USP9Y: variants seen among roughly 807,000 people sequenced by gnomAD.
USP9Y encodes the protein ubiquitin specific peptidase 9 Y-linked.
Under a neutral mutation model 53.1 loss-of-function variants are expected in USP9Y, and 41 were observed. The observed-to-expected ratio is 0.77, with a 90% confidence interval of 0.60 to 1.00. The LOEUF is 1.00. Ranked by LOEUF, USP9Y falls within the 50% of genes least tolerant of loss-of-function variation. The probability of loss-of-function intolerance (pLI) is 0.00; values close to 1 mark genes in which losing one functional copy is unlikely to be tolerated. For missense variants in USP9Y, 567 were observed against 535.8 expected, an observed-to-expected ratio of 1.06 and a Z score of -0.58; for synonymous variants, 220 against 173.7, an observed-to-expected ratio of 1.27 and a Z score of -2.09.
At chrY:12,835,859 C>T (rs2053555045) in intron 34 of USP9Y, among the ~76,000 whole-genome samples, 2 of 33,259 alleles carry the variant, frequency 6.0e-5, no homozygotes, top group Admixed American at 2.8e-4. Flanking sequence ...TGATGGTTGA[C>T]GTGCCTGCCC....
At chrY:12,810,631 G>A in intron 28 of USP9Y, 41 bp from the exon 29 acceptor site, 1 of 380,011 alleles carries the variant, frequency 2.6e-6, no homozygotes, top group Non-Finnish European at 3.7e-6. Context: ...GACTCTGAGT[G>A]TAGACTTGTG....
At position 12,810,833 on chromosome Y, in the gene USP9Y, A is replaced by G. The variant is rs370692435; in HGVS notation, c.4239+15A>G. The G allele has an allele frequency of 2.5e-6, 1 of 392,590 alleles. No homozygotes were observed. Among genetic ancestry groups the G allele is most frequent in the South Asian group, 3.0e-5 (1 of 33,502 alleles). On this transcript the variant is annotated intron_variant, in intron 29 of 45. Transcript: ENST00000338981. Reference sequence around the variant, plus strand: ...AAAGGATTAGGGTAAGTTGAATAGTATTTAGTTTATTATGTCATGACCAAA... The same window carrying G: ...AAAGGATTAGGGTAAGTTGAATAGTGTTTAGTTTATTATGTCATGACCAAA...
intron 42 of USP9Y, among the ~76,000 whole-genome samples, chrY:12,855,963 A>G (rs2053575774): frequency 3.1e-5 from 1 of 32,202 alleles, no homozygotes; most frequent in Non-Finnish European, 7.6e-5. Flanking sequence ...TCTTAAAAAA[A>G]AAAGAAAGAA....
intron 39 of USP9Y, among the ~76,000 whole-genome samples, chrY:12,845,422 A>G: frequency 3.0e-5 from 1 of 32,985 alleles, no homozygotes; most frequent in Non-Finnish European, 7.4e-5. Flanking sequence ...AGAAAATAGT[A>G]GTGCCATTTT....
At chrY:12,747,747 G>C in intron 12 of USP9Y, among the ~76,000 whole-genome samples, 2 of 34,223 alleles carry the variant, frequency 5.8e-5, no homozygotes, top group Non-Finnish European at 1.5e-4. Flanking sequence ...TTTTCAACTG[G>C]ACAGGAGATC....
In USP9Y at chrY:12,786,711, C is replaced by T; in HGVS notation, c.3472C>T (p.Leu1158=). The change falls in exon 24 of 46, where the codon CTG becomes TTG. Residue 1158 remains leucine (L), a synonymous_variant. Transcript: ENST00000338981. Reference sequence around the variant, plus strand: ...TTTAAATGCTCTTAAAATAGCCAAACTGTTGTTAACTGCGATTGGCTATGG... The same window carrying T: ...TTTAAATGCTCTTAAAATAGCCAAATTGTTGTTAACTGCGATTGGCTATGG... The part of the protein sequence containing the change: ...AYLNALKIAK[L]LLTAIGYGHV... 2.5e-6 allele frequency: 1 copy of T among 398,144 alleles called. No homozygotes were observed. The highest frequency in any genetic ancestry group is 3.0e-5 in the South Asian group (1 of 33,760).
At chrY:12,760,649 G>A in intron 15 of USP9Y, 32 bp downstream of exon 15, 1 of 392,152 alleles carries the variant, frequency 2.6e-6, no homozygotes, top group Non-Finnish European at 3.6e-6. Flanking sequence ...TAACTATGGG[G>A]AATCAACTTT....
chrY:12,765,758 C>T (rs1603198705), intron 15 of USP9Y, among the ~76,000 whole-genome samples: 3 of 33,385 alleles, frequency 9.0e-5, no homozygotes, highest in South Asian at 1.4e-3. Context: ...GGGACTGCTG[C>T]GGTATAGTAC....
chrY:12,784,867 A>G (rs2053500445), intron 22 of USP9Y, among the ~76,000 whole-genome samples: 1 of 33,419 alleles, frequency 3.0e-5, no homozygotes, highest in Admixed American at 2.8e-4. Flanking sequence ...ACCACAGAAG[A>G]ATTTATCAAT....
chrY:12,802,648 G>A, intron 27 of USP9Y: 1 of 33,670 alleles, frequency 3.0e-5, no homozygotes, highest in Non-Finnish European at 7.4e-5. Flanking sequence ...AGTATCTGTC[G>A]GCACTTTGTT....
At chrY:12,717,004 G>A in intron 3 of USP9Y, among the ~76,000 whole-genome samples, 1 of 33,661 alleles carries the variant, frequency 3.0e-5, no homozygotes, top group South Asian at 6.7e-4. Flanking sequence ...TTGTTTTGTG[G>A]CATTACGTAT....
chrY:12,749,236 G>A (rs921193758), intron 12 of USP9Y, among the ~76,000 whole-genome samples: 1 of 32,863 alleles, frequency 3.0e-5, no homozygotes, highest in Non-Finnish European at 7.5e-5. Context: ...TGAACTTTAG[G>A]GTCTGAGGAT....
intron 31 of USP9Y, among the ~76,000 whole-genome samples, chrY:12,815,473 G>A (rs987755163): frequency 1.2e-4 from 4 of 33,647 alleles, no homozygotes; most frequent in Non-Finnish European, 2.2e-4. Flanking sequence ...TGATCTGCCC[G>A]CCTTGGCCTC....
At chrY:12,820,678 G>C in intron 33 of USP9Y, among the ~76,000 whole-genome samples, 1 of 32,731 alleles carries the variant, frequency 3.1e-5, no homozygotes, top group Non-Finnish European at 7.5e-5. Flanking sequence ...CTGCAATCTA[G>C]TCAACAATTC....
At chrY:12,846,859 T>C in intron 40 of USP9Y, 74 bp from the exon 41 acceptor site, 3 of 256,217 alleles carry the variant, frequency 1.2e-5, no homozygotes, top group Admixed American at 1.7e-4. Context: ...TTGTATTTTT[T>C]AAGTTAAGAA....
At chrY:12,858,061 A>G (rs2053579449) in intron 45 of USP9Y, among the ~76,000 whole-genome samples, 1 of 34,222 alleles carries the variant, frequency 2.9e-5, no homozygotes, top group African/African-American at 1.1e-4. Flanking sequence ...GTAAAAATTC[A>G]GTTTGACTGG....
intron 27 of USP9Y, among the ~76,000 whole-genome samples, chrY:12,806,717 G>A: frequency 6.0e-5 from 2 of 33,462 alleles, no homozygotes; most frequent in African/African-American, 2.3e-4. Context: ...ATCGCTTTCT[G>A]GCTTCTGTAT....
At chrY:12,859,108 A>T in intron 45 of USP9Y, among the ~76,000 whole-genome samples, 171 bp from the exon 46 acceptor site, 6 of 33,092 alleles carry the variant, frequency 1.8e-4, no homozygotes, top group Non-Finnish European at 1.5e-4. Flanking sequence ...CTTTATTCAT[A>T]TGGTACTTCT....
chrY:12,776,591 G>T, intron 18 of USP9Y, 58 bp from the exon 19 acceptor site: 6 of 257,236 alleles, frequency 2.3e-5, no homozygotes, highest in South Asian at 2.0e-4. Context: ...TTATTAGATT[G>T]ATGTCACATT....
Sources: gnomAD v4.1 joint callset for allele counts (sites outside exome capture counted in the v4.1 genomes callset) on GRCh38, gnomAD v4.1.1 for gene constraint, MANE v1.5 for transcripts, NCBI Gene and HGNC (gene_info 2026-07-23, HGNC 2026-07-21) for gene names.